POC1B: variants seen among roughly 807,000 people sequenced by gnomAD.
The protein encoded by POC1B is POC1 centriolar protein homolog B.
A neutral mutation model predicts 60.6 loss-of-function variants in POC1B; 44 were observed. The ratio of observed to expected loss-of-function variants is 0.73; its 90% CI spans 0.57 to 0.93. The LOEUF is 0.93. Ranked by LOEUF, POC1B falls within the 40% of genes least tolerant of loss-of-function variation. POC1B has a pLI of 0.00. For missense variants in POC1B, 555 were observed against 572.3 expected (o/e 0.97, Z 0.31); for synonymous variants, 180 against 198.9 (o/e 0.90, Z 0.80).
chr12:89,418,834 T>C (rs1189687413), downstream of POC1B, among the ~76,000 whole-genome samples: 2 of 152,184 alleles, frequency 1.3e-5, no homozygotes, highest in Admixed American at 1.3e-4. Flanking sequence ...TGTGCAGAAC[T>C]ATGAGCCAAA....
chr12:89,416,728 G>T (rs903744794), downstream of POC1B, among the ~76,000 whole-genome samples: 3 of 152,084 alleles, frequency 2.0e-5, no homozygotes, highest in Admixed American at 2.0e-4. Context: ...ACAAGCCAGA[G>T]ACCTAATTTA....
intron 2 of POC1B, chr12:89,501,683 C>T (rs993353644): frequency 3.9e-6 from 4 of 1,038,086 alleles, no homozygotes; most frequent in Admixed American, 3.8e-5. Flanking sequence ...TCCAGGCATC[C>T]GTCTAATTGG....
the POC1B span, among the ~76,000 whole-genome samples, chr12:89,403,077 G>A: frequency 2.7e-5 from 4 of 150,910 alleles, no homozygotes; most frequent in South Asian, 2.1e-4. Context: ...TCTCCATCTC[G>A]GCTCACTGCA....
intron 2 of POC1B, among the ~76,000 whole-genome samples, chr12:89,508,937 T>C (rs1382975767): frequency 6.6e-6 from 1 of 152,240 alleles, no homozygotes; most frequent in Admixed American, 6.5e-5. Flanking sequence ...TTTTCCTTTA[T>C]AAATTACCCA....
chr12:89,430,138 A>G (rs762145530), intron 10 of POC1B, among the ~76,000 whole-genome samples: 18 of 152,176 alleles, frequency 1.2e-4, no homozygotes, highest in Non-Finnish European at 8.8e-5. Context: ...GAATGAATCT[A>G]AGGGCTGAGA....
intron 2 of POC1B, among the ~76,000 whole-genome samples, chr12:89,497,573 C>G (rs2135743562): frequency 6.6e-6 from 1 of 152,240 alleles, no homozygotes; most frequent in East Asian, 1.9e-4. Flanking sequence ...ATGACTGGCC[C>G]CCGTATTCAA....
chr12:89,432,552 C>T (rs1450867056), intron 10 of POC1B, among the ~76,000 whole-genome samples: 1 of 151,998 alleles, frequency 6.6e-6, no homozygotes, highest in African/African-American at 2.4e-5. Flanking sequence ...AGAGGCCCTG[C>T]TATCATGGTT....
Position 89,471,701 on chromosome 12 carries a change from T to C in POC1B, c.589A>G (p.Ser197Gly). 1 of 1,607,804 alleles carries C rather than the reference T, an allele frequency of 6.2e-7. No individual in the cohort carries two copies. The highest frequency in any genetic ancestry group is 8.5e-7 in the Non-Finnish European group (1 of 1,177,188). ...CCTGCTGAAGCTATGCATGTACCAC[T>C]AGGGTTAAAGTCCACAAAATTTGCA... ...GFANFVDFNP[S>G]GTCIASAGSD... The change falls in exon 6 of 12, where the codon AGT (serine) becomes GGT (glycine). Residue 197 changes from serine (S) to glycine (G), a missense_variant. Transcript: ENST00000313546.
chr12:89,433,989 A>G (rs902146406), intron 10 of POC1B, among the ~76,000 whole-genome samples: 1 of 152,182 alleles, frequency 6.6e-6, no homozygotes, highest in Non-Finnish European at 1.5e-5. Flanking sequence ...TAGGCTGTTG[A>G]TCCTGAAGGA....
At chr12:89,427,934 T>C (rs1397264592) in intron 10 of POC1B, 1 of 152,250 alleles carries the variant, frequency 6.6e-6, no homozygotes, top group Non-Finnish European at 1.5e-5. Context: ...ATTCATGCTC[T>C]GAGCTAAAGG....
At chr12:89,502,529 A>G in intron 2 of POC1B, 2 of 1,105,074 alleles carry the variant, frequency 1.8e-6, no homozygotes, top group Non-Finnish European at 2.7e-6. Context: ...CGATGAAAGA[A>G]AGACTAGCTT....
At chr12:89,437,723 T>A (rs1458604842) in intron 10 of POC1B, among the ~76,000 whole-genome samples, 4 of 152,072 alleles carry the variant, frequency 2.6e-5, no homozygotes, top group Admixed American at 6.5e-5. Flanking sequence ...GCTTGGTATA[T>A]AACAGGTACT....
intron 2 of POC1B, among the ~76,000 whole-genome samples, chr12:89,503,385 G>C (rs980550541): frequency 6.6e-6 from 1 of 152,248 alleles, no homozygotes; most frequent in African/African-American, 2.4e-5. Context: ...CCGAGGTGCC[G>C]GGATTGCAGA....
chr12:89,460,022 AG>A (rs1356653269), intron 9 of POC1B: 20 of 418,220 alleles, frequency 4.8e-5, no homozygotes, highest in Admixed American at 2.0e-4. Context: ...CCACCTCAAA[AG>A]ATGAAGAAAA....
chr12:89,428,207 A>G (rs1304307542), intron 10 of POC1B: 1 of 152,292 alleles, frequency 6.6e-6, no homozygotes, highest in Non-Finnish European at 1.5e-5. Flanking sequence ...AAAACAAACC[A>G]ACAAACAAAC....
chr12:89,473,076 C>A (rs1882964038), intron 4 of POC1B, among the ~76,000 whole-genome samples: 1 of 151,782 alleles, frequency 6.6e-6, no homozygotes, highest in Non-Finnish European at 1.5e-5. Flanking sequence ...TATTAGAAAA[C>A]TATGAATAGT....
intron 10 of POC1B, among the ~76,000 whole-genome samples, chr12:89,431,020 C>T (rs1477325011): frequency 6.6e-6 from 1 of 152,016 alleles, no homozygotes; most frequent in African/African-American, 2.4e-5. Flanking sequence ...TATTATCTAA[C>T]TTCAAATCAC....
At chr12:89,473,764 T>C (rs188111383) in intron 4 of POC1B, among the ~76,000 whole-genome samples, 30 of 151,936 alleles carry the variant, frequency 2.0e-4, no homozygotes, top group Admixed American at 3.3e-4. Context: ...TAAAAATTTA[T>C]TAATATTTTC....
chr12:89,441,367 T>C (rs1881512086), intron 10 of POC1B, among the ~76,000 whole-genome samples: 1 of 152,096 alleles, frequency 6.6e-6, no homozygotes, highest in South Asian at 2.1e-4. Flanking sequence ...TACCTCCCAG[T>C]AGGGGCTGAC....
Sources: gnomAD v4.1 joint callset for allele counts (sites outside exome capture counted in the v4.1 genomes callset) on GRCh38, gnomAD v4.1.1 for gene constraint, MANE v1.5 for transcripts, NCBI Gene and HGNC (gene_info 2026-07-23, HGNC 2026-07-21) for gene names.